The following CORT variants were observed in gnomAD, a reference collection of about 807,000 sequenced individuals.
CORT encodes cortistatin.
In CORT, 2 loss-of-function variants were observed where a neutral mutation model predicts 4.4. The ratio of observed to expected loss-of-function variants is 0.46; its 90% CI spans 0.19 to 1.44. The LOEUF is 1.44. CORT is among the 40% of genes most tolerant of loss of function. The pLI is 0.26. For missense variants in CORT, 158 were observed against 140.2 expected, an observed-to-expected ratio of 1.13 and a Z score of -0.64; for synonymous variants, 72 against 62.0, an observed-to-expected ratio of 1.16 and a Z score of -0.75.
At position 10,450,138 on chromosome 1, in the gene CORT, C is replaced by A. The variant is rs778952757; in HGVS notation, c.-86C>A. The A allele has an allele frequency of 5.0e-6, 8 of 1,609,842 alleles. No individual in the cohort carries two copies. The South Asian group carries it at 6.7e-5, about 13-fold the overall frequency. On this transcript the variant is annotated 5_prime_UTR_variant, in exon 1 of 2. Transcript: ENST00000377049. ...TACCCACCAAGCTCCAAAGAAGAGA[C>A]CCAAGTCCCCAAAACATTGATTTCA...
intron 1 of CORT, among the ~76,000 whole-genome samples, chr1:10,450,561 G>A (rs1024659661): frequency 6.6e-6 from 1 of 152,212 alleles, no homozygotes; most frequent in Non-Finnish European, 1.5e-5. Flanking sequence ...GCAGCTCAAG[G>A]AGGGCCCTCC....
chr1:10,451,698 G>GTGTT lies in CORT; in HGVS notation c.*108_*111dup. ...TCCTCCTTCCCAAGTCATTTGAAAA[G>GTGTT]TGTTTGTTATTTAAATTCCAATAAT... is the stretch of plus-strand genomic sequence containing the variant. On this transcript the variant is annotated 3_prime_UTR_variant, in exon 2 of 2. Transcript: ENST00000377049. 1 of 1,436,470 alleles carries GTGTT rather than the reference G, an allele frequency of 7.0e-7. No individual in the cohort carries two copies. The highest frequency in any genetic ancestry group is 9.2e-7 in the Non-Finnish European group (1 of 1,088,718). The allele number at this position is 1,436,470 out of a possible 1,614,324, so 89.0% of individuals were successfully genotyped here. A position where few individuals can be genotyped will look rare whatever the true frequency, so the allele number is the denominator to read the frequency against.
At chr1:10,451,303 A>G (rs8192489) in intron 1 of CORT, 74 bp from the exon 2 acceptor site, 36,970 of 1,445,904 alleles carry the variant, frequency 0.026, 569 homozygotes, top group Non-Finnish European at 0.028. Context: ...AGGAGATTGC[A>G]TATCTTTGAA....
chr1:10,451,499 C>T lies in CORT; in HGVS notation c.222C>T (p.Ala74=). 6.2e-7 allele frequency: 1 copy of T among 1,614,080 alleles called. No individual in the cohort carries two copies. The highest frequency in any genetic ancestry group is 8.5e-7 in the Non-Finnish European group (1 of 1,180,020). ...TAGGAGAGGAAGCCCGGGAGGTGGC[C>T]AGGCGGCAGGAAGGCGCACCCCCCC... The part of the protein sequence containing the change: ...PLIGEEAREV[A]RRQEGAPPQQ... The change falls in exon 2 of 2, where the codon GCC becomes GCT. Residue 74 remains alanine, a synonymous_variant. Coordinates refer to ENST00000377049, the MANE Select transcript of CORT (RefSeq NM_001302.5).
At chr1:10,451,272 CAT>C in intron 1 of CORT, 103 bp from the exon 2 acceptor site, 1 of 1,263,036 alleles carries the variant, frequency 7.9e-7, no homozygotes, top group Non-Finnish European at 1.0e-6. Context: ...TCTTTTAGAT[CAT>C]TTTTTTTTTT....
intron 1 of CORT, among the ~76,000 whole-genome samples, chr1:10,450,838 G>A (rs1340743164): frequency 2.0e-5 from 3 of 152,190 alleles, no homozygotes; most frequent in African/African-American, 7.2e-5. Context: ...TACCAGATGA[G>A]TTTCAGGCAG....
In CORT at chr1:10,451,672, C is replaced by A; in HGVS notation, c.*77C>A. 2 of 1,472,612 alleles carry A rather than the reference C, an allele frequency of 1.4e-6. No individual in the cohort carries two copies. Among genetic ancestry groups the A allele is most frequent in the East Asian group, 5.0e-5 (2 of 40,288 alleles). 91.2% of individuals were successfully genotyped at this position (1,472,612 alleles called of 1,614,324 possible). A position where few individuals can be genotyped will look rare whatever the true frequency, so the allele number is the denominator to read the frequency against. On this transcript the variant is annotated 3_prime_UTR_variant, in exon 2 of 2. Transcript: ENST00000377049. ...GTATTAAGCAGCAGTGATCTTTCCT[C>A]TCCTCCTTCCCAAGTCATTTGAAAA...
Position 10,451,569 on chromosome 1 carries a change from T to G in CORT, c.292T>G (p.Trp98Gly). Reference protein sequence around the residue: ...RDRMPCRNFFWKTFSSCK With the variant: ...RDRMPCRNFFGKTFSSCK ...CAGAATGCCCTGCAGGAACTTCTTC[T>G]GGAAGACCTTCTCCTCCTGCAAATA... Residue 98 changes from tryptophan to glycine, a missense_variant, in exon 2 of 2, where the codon TGG (tryptophan) becomes GGG (glycine). Trp to Gly is a radical substitution (Grantham distance 184, BLOSUM62 -2). Transcript: ENST00000377049. 1.2e-6 allele frequency: 2 copies of G among 1,613,318 alleles called. No individual in the cohort carries two copies. Among genetic ancestry groups the G allele is most frequent in the Non-Finnish European group, 8.5e-7 (1 of 1,179,780 alleles).
rs1418887367 is a variant in CORT, at chr1:10,450,297, G to A, written c.74G>A (p.Gly25Asp). 8 of 1,519,916 alleles carry A rather than the reference G, an allele frequency of 5.3e-6. No homozygotes were observed. Among genetic ancestry groups the A allele is most frequent in the Non-Finnish European group, 7.1e-6 (8 of 1,134,234 alleles). The allele number at this position is 1,519,916 out of a possible 1,614,324, so 94.2% of individuals were successfully genotyped here. A position where few individuals can be genotyped will look rare whatever the true frequency, so the allele number is the denominator to read the frequency against. The change falls in exon 1 of 2, where the codon GGT becomes GAT. Residue 25 changes from glycine (G) to aspartate (D), a missense_variant. By Grantham distance (94) the Gly-to-Asp change is moderately conservative (BLOSUM62 -1). Transcript: ENST00000377049. ...ATATAALPLE[G>D]GPTGRDSEHM... ...GCCACCGCTGCCCTGCCCCTGGAGG[G>A]TGGCCCCACCGGCCGAGACAGCGAG... is the stretch of plus-strand genomic sequence containing the variant.
At position 10,450,312 on chromosome 1, in the gene CORT, G is replaced by A. The variant is rs756999760; in HGVS notation, c.89G>A (p.Arg30Gln). The A allele has an allele frequency of 1.3e-5, 19 of 1,514,112 alleles. No individual in the cohort carries two copies. Among genetic ancestry groups the A allele is most frequent in the African/African-American group, 4.2e-5 (3 of 71,574 alleles). The allele number at this position is 1,514,112 out of a possible 1,614,324, so 93.8% of individuals were successfully genotyped here. ...CCCCTGGAGGGTGGCCCCACCGGCC[G>A]AGACAGCGAGGTGAGTACAGTCCCG... ...ALPLEGGPTG[R>Q]DSEHMQEAAG... The change falls in exon 1 of 2, where the codon CGA becomes CAA. Residue 30 changes from arginine (R) to glutamine (Q), a missense_variant. By Grantham distance (43) the Arg-to-Gln change is conservative. Transcript: ENST00000377049.
intron 1 of CORT, 37 bp downstream of exon 1, chr1:10,450,359 C>T (rs1570086234): frequency 2.1e-6 from 3 of 1,439,650 alleles, no homozygotes; most frequent in Non-Finnish European, 2.7e-6. Flanking sequence ...CGCTAGCCCA[C>T]TCTCTGTCTC....
At position 10,451,912 on chromosome 1, in the gene CORT, C is replaced by T. The variant is rs1220533466; in HGVS notation, c.*317C>T. The T allele has an allele frequency of 4.7e-6, 1 of 214,334 alleles. No individual in the cohort carries two copies. Among genetic ancestry groups the T allele is most frequent in the Admixed American group, 5.8e-5 (1 of 17,168 alleles). The allele number at this position is 214,334 out of a possible 1,614,324, so 13.3% of individuals were successfully genotyped here. ...GCTAAAGGCTACACAATTAAGAGTTCAGAATAACATCTTATTTCAGTTTAT... is the reference window on the plus strand; with the variant it reads ...GCTAAAGGCTACACAATTAAGAGTTTAGAATAACATCTTATTTCAGTTTAT... On this transcript the variant is annotated 3_prime_UTR_variant, in exon 2 of 2. Coordinates refer to ENST00000377049, the MANE Select transcript of CORT (RefSeq NM_001302.5).
rs898511847 is a variant in CORT, at chr1:10,450,074, A to C, written c.-150A>C. ...AGGGAAGAGGATCCAGGCGTTAGAC[A>C]TGTATAGACACAAAAACAGCTGGAG... is the stretch of plus-strand genomic sequence containing the variant. On this transcript the variant is annotated 5_prime_UTR_variant, in exon 1 of 2. An upstream start codon of the reference 5' UTR is lost. Transcript: ENST00000377049. The C allele has an allele frequency of 6.3e-7, 1 of 1,582,592 alleles. No individual in the cohort carries two copies. The highest frequency in any genetic ancestry group is 1.4e-5 in the African/African-American group (1 of 73,790).
At position 10,451,839 on chromosome 1, in the gene CORT, T is replaced by C. The variant is rs1640798443; in HGVS notation, c.*244T>C. 4.4e-6 allele frequency: 2 copies of C among 450,710 alleles called. No homozygotes were observed. The highest frequency in any genetic ancestry group is 7.4e-6 in the Non-Finnish European group (2 of 269,846). The allele number at this position is 450,710 out of a possible 1,614,324, so 27.9% of individuals were successfully genotyped here. Reference sequence around the variant, plus strand: ...TGCGGGCACTGGGCTTTTCTTCTGATGTTCATTATGGTGCTGGGAAGCTCT... The same window carrying C: ...TGCGGGCACTGGGCTTTTCTTCTGACGTTCATTATGGTGCTGGGAAGCTCT... On this transcript the variant is annotated 3_prime_UTR_variant, in exon 2 of 2. Coordinates refer to ENST00000377049, the MANE Select transcript of CORT (RefSeq NM_001302.5).
intron 1 of CORT, 58 bp from the exon 2 acceptor site, chr1:10,451,319 G>T: frequency 6.7e-7 from 1 of 1,483,316 alleles, no homozygotes; most frequent in Non-Finnish European, 9.0e-7. Context: ...TTGAATGCTT[G>T]CTGCCTGAGC....
chr1:10,451,545 A>C lies in CORT; in HGVS notation c.268A>C (p.Arg90=). The part of the protein sequence containing the change: ...APPQQSARRD[R]MPCRNFFWKT... ...CCCCCAGCAATCTGCGCGCCGGGAC[A>C]GAATGCCCTGCAGGAACTTCTTCTG... The change falls in exon 2 of 2, where the codon AGA becomes CGA. Residue 90 remains arginine (R), a synonymous_variant. Coordinates refer to ENST00000377049, the MANE Select transcript of CORT (RefSeq NM_001302.5). 1 of 1,613,972 alleles carries C rather than the reference A, an allele frequency of 6.2e-7. No homozygotes were observed. The highest frequency in any genetic ancestry group is 8.5e-7 in the Non-Finnish European group (1 of 1,179,986).
chr1:10,451,742 T>C lies in CORT; in HGVS notation c.*147T>C. ...CAATAATGCCCAATACTGACGTGTCTTGAGTAATTTGGAACCCAAAGTGAA... is the reference window on the plus strand; with the variant it reads ...CAATAATGCCCAATACTGACGTGTCCTGAGTAATTTGGAACCCAAAGTGAA... On this transcript the variant is annotated 3_prime_UTR_variant, in exon 2 of 2. Coordinates refer to ENST00000377049, the MANE Select transcript of CORT (RefSeq NM_001302.5). The C allele has an allele frequency of 7.7e-7, 1 of 1,297,796 alleles. No individual in the cohort carries two copies. The allele number at this position is 1,297,796 out of a possible 1,614,324, so 80.4% of individuals were successfully genotyped here. A position where few individuals can be genotyped will look rare whatever the true frequency, so the allele number is the denominator to read the frequency against.
At chr1:10,451,303 A>C (rs8192489) in intron 1 of CORT, 74 bp from the exon 2 acceptor site, 3 of 1,445,948 alleles carry the variant, frequency 2.1e-6, no homozygotes, top group African/African-American at 2.9e-5. Context: ...AGGAGATTGC[A>C]TATCTTTGAA....
At position 10,450,192 on chromosome 1, in the gene CORT, G is replaced by T. The variant is rs1296828745; in HGVS notation, c.-32G>T. ...CTGCCAGGAAGGAAGAGCAGCAGCA[G>T]GGTGGGAGAGAAGCTCCAGTCAGCC... On this transcript the variant is annotated 5_prime_UTR_variant, in exon 1 of 2. The change creates a new upstream start codon in the 5' untranslated region. Coordinates refer to ENST00000377049, the MANE Select transcript of CORT (RefSeq NM_001302.5). 2 of 1,611,696 alleles carry T rather than the reference G, an allele frequency of 1.2e-6. No individual in the cohort carries two copies. Among genetic ancestry groups the T allele is most frequent in the South Asian group, 1.1e-5 (1 of 90,408 alleles).
Sources: allele counts gnomAD v4.1 joint callset (sites outside exome capture counted in the v4.1 genomes callset), GRCh38; gene constraint gnomAD v4.1.1; transcripts MANE v1.5; gene names NCBI Gene and HGNC (gene_info 2026-07-23, HGNC 2026-07-21).